PCNX2: variants seen among roughly 807,000 people sequenced by gnomAD.
PCNX2 encodes pecanex-like protein 2.
Under a neutral mutation model 223.8 loss-of-function variants are expected in PCNX2, and 168 were observed. The observed-to-expected ratio is 0.75, with a 90% CI of 0.66 to 0.85. PCNX2 has a LOEUF of 0.85. Ranked by LOEUF, PCNX2 falls within the 40% of genes least tolerant of loss-of-function variation. The pLI, the probability that PCNX2 is intolerant of heterozygous loss-of-function variation, is 0.00. For missense variants in PCNX2, 2,507 were observed against 2,675.5 expected (o/e 0.94, Z 1.39); for synonymous variants, 1,006 against 1,052.6 (o/e 0.96, Z 0.86).
At chr1:233,013,318 T>C (rs1250518803) in intron 28 of PCNX2, among the ~76,000 whole-genome samples, 1 of 152,226 alleles carries the variant, frequency 6.6e-6, no homozygotes, top group Non-Finnish European at 1.5e-5. Flanking sequence ...TCTTGGTGAC[T>C]CCAGGCTACT....
intron 33 of PCNX2, 51 bp downstream of exon 33, chr1:232,986,041 G>A (rs1486220734): frequency 6.5e-7 from 1 of 1,540,640 alleles, no homozygotes; most frequent in South Asian, 1.2e-5. Flanking sequence ...CAGGCCAGGA[G>A]CCCGTGCCAC....
chr1:233,290,296 T>C (rs1474857622), intron 1 of PCNX2, among the ~76,000 whole-genome samples: 5 of 152,184 alleles, frequency 3.3e-5, no homozygotes, highest in Non-Finnish European at 5.9e-5. Flanking sequence ...AGGTGAAATA[T>C]GTAGGAAGAA....
rs185326422 is a variant in PCNX2, at chr1:233,000,267, C to A, written c.5328+38G>T. The A allele has an allele frequency of 6.3e-7, 1 of 1,585,642 alleles. No homozygotes were observed. Among genetic ancestry groups the A allele is most frequent in the South Asian group, 1.1e-5 (1 of 90,394 alleles). On this transcript the variant is annotated intron_variant, in intron 30 of 33. Transcript: ENST00000258229. This position sits in a 1 kb window ranked among gnomAD's most constrained non-coding sequence, Gnocchi z 4.6. ...CTATTTCTTCTCAGATAGAGAGACA[C>A]GAGCCAACAGGGGACCCAGAAAGTG...
At chr1:233,010,411 T>C (rs2102810969) in intron 28 of PCNX2, among the ~76,000 whole-genome samples, 1 of 152,342 alleles carries the variant, frequency 6.6e-6, no homozygotes, top group Non-Finnish European at 1.5e-5. Flanking sequence ...TCTATCCTCT[T>C]GGAAGCTTAC....
intron 13 of PCNX2, among the ~76,000 whole-genome samples, chr1:233,206,972 C>T (rs963230126): frequency 1.6e-4 from 24 of 151,168 alleles, no homozygotes; most frequent in African/African-American, 5.6e-4. Flanking sequence ...GATTGAATCA[C>T]TGTACTCCAG....
chr1:233,174,353 G>T (rs370030653), intron 17 of PCNX2, among the ~76,000 whole-genome samples: 2 of 146,624 alleles, frequency 1.4e-5, no homozygotes, highest in Non-Finnish European at 3.0e-5. Context: ...CCAGTGTAAG[G>T]CTGCAAAGAG....
At chr1:233,232,310 T>C (rs1441480369) in intron 9 of PCNX2, among the ~76,000 whole-genome samples, 4 of 152,204 alleles carry the variant, frequency 2.6e-5, no homozygotes, top group Non-Finnish European at 4.4e-5. Flanking sequence ...TATTACAAAA[T>C]AGGCTTTGTA....
chr1:233,283,618 G>T (rs989314298), intron 1 of PCNX2, among the ~76,000 whole-genome samples: 4 of 152,028 alleles, frequency 2.6e-5, no homozygotes, highest in African/African-American at 9.7e-5. Flanking sequence ...GATAGGAATA[G>T]ATTATACTCC....
Position 233,295,483 on chromosome 1 carries a change from G to A in PCNX2, c.-5C>T. On this transcript the variant is annotated 5_prime_UTR_variant, in exon 1 of 34. Coordinates refer to ENST00000258229, the MANE Select transcript of PCNX2 (RefSeq NM_014801.4). The surrounding 1 kb of genome is among the most constrained non-coding windows in gnomAD (Gnocchi z 4.1). The stretch of plus-strand genomic sequence containing the variant: ...CTGCAGCACCTGGGACACCATGCCG[G>A]CTGCGCCCCGGGGCTGGTGAGCGCC... The A allele has an allele frequency of 6.5e-7, 1 of 1,546,574 alleles. No individual in the cohort carries two copies. The highest frequency in any genetic ancestry group is 8.7e-7 in the Non-Finnish European group (1 of 1,145,122).
rs749808427 is a variant in PCNX2 at position 232,999,051 on chromosome 1, T to G, written c.5603+54A>C. Reference sequence around the variant, plus strand: ...AACCAGGAGTACAGAGCTCCCTGCATCCCCCACACCTTCCCCCAGCATCTG... The same window carrying G: ...AACCAGGAGTACAGAGCTCCCTGCAGCCCCCACACCTTCCCCCAGCATCTG... On this transcript the variant is annotated intron_variant, in intron 31 of 33. Coordinates refer to ENST00000258229, the MANE Select transcript of PCNX2 (RefSeq NM_014801.4). 6.0e-4 allele frequency: 917 copies of G among 1,527,952 alleles called. 4 individuals are homozygous for G. Among genetic ancestry groups the G allele is most frequent in the Non-Finnish European group, 4.8e-4 (551 of 1,136,224 alleles). 94.6% of individuals were successfully genotyped at this position (1,527,952 alleles called of 1,614,324 possible).
At chr1:233,106,632 T>C (rs1340387217) in intron 21 of PCNX2, among the ~76,000 whole-genome samples, 2 of 151,960 alleles carry the variant, frequency 1.3e-5, no homozygotes, top group African/African-American at 2.4e-5. Context: ...GATTACAGGC[T>C]TCCTCCCTCT....
intron 25 of PCNX2, among the ~76,000 whole-genome samples, chr1:233,030,092 G>T (rs767101541): frequency 6.6e-6 from 1 of 151,980 alleles, no homozygotes; most frequent in Non-Finnish European, 1.5e-5. Context: ...ACTTGATATT[G>T]TTTCACAAGA....
chr1:233,143,792 CA>C lies in PCNX2; in HGVS notation c.3518-3938del, dbSNP rs146986490. Among the ~76,000 whole-genome samples the C allele has an allele frequency of 6.7e-3, 1,019 of 152,242 alleles. 9 individuals are homozygous for C. Among genetic ancestry groups the C allele is most frequent in the South Asian group, 0.02 (96 of 4,818 alleles). ...TAAAAAATTATAATTATCTTTTATGCAGATAAACTGTTTCCTAAACCAGCCA... is the reference window on the plus strand; with the variant it reads ...TAAAAAATTATAATTATCTTTTATGCGATAAACTGTTTCCTAAACCAGCCA... On this transcript the variant is annotated intron_variant, in intron 19 of 33. Coordinates refer to ENST00000258229, the MANE Select transcript of PCNX2 (RefSeq NM_014801.4).
chr1:233,291,662 G>A, intron 1 of PCNX2: 1 of 970,346 alleles, frequency 1.0e-6, no homozygotes, highest in Non-Finnish European at 1.2e-6. Context: ...TTTGACATGA[G>A]GCTAGTGCTC....
At position 233,198,992 on chromosome 1, in the gene PCNX2, G is replaced by A. The variant is rs777329619; in HGVS notation, c.3013C>T (p.Arg1005Trp). ...AGCAGGGCGGCAGCCAAGACGCTCCGGGCCACACTGTAAACAGCCGAGGTT... is the reference window on the plus strand; with the variant it reads ...AGCAGGGCGGCAGCCAAGACGCTCCAGGCCACACTGTAAACAGCCGAGGTT... Reference protein sequence around the residue: ...GITSAVYSVARSVLAAALLHA... With the variant: ...GITSAVYSVAWSVLAAALLHA... The change falls in exon 15 of 34, where the codon CGG becomes TGG. Residue 1005 changes from arginine (R) to tryptophan (W), a missense_variant. Physicochemically the swap from Arg to Trp is moderately radical, Grantham distance 101. Around this residue, in one of 3 missense-constraint regions of PCNX2, gnomAD observed 1,372 missense variants for 1,509.4 expected, o/e 0.91. Coordinates refer to ENST00000258229, the MANE Select transcript of PCNX2 (RefSeq NM_014801.4). 54 of 1,605,196 alleles carry A rather than the reference G, an allele frequency of 3.4e-5. No homozygotes were observed. The highest frequency in any genetic ancestry group is 6.7e-5 in the East Asian group (3 of 44,526).
chr1:233,089,884 C>A, intron 23 of PCNX2, 177 bp downstream of exon 23: 1 of 1,390,912 alleles, frequency 7.2e-7, no homozygotes, highest in Non-Finnish European at 9.3e-7. Flanking sequence ...TTTCCAGATC[C>A]CTGAGACCCA....
intron 23 of PCNX2, chr1:233,057,529 C>T (rs1040590904): frequency 6.4e-5 from 29 of 453,578 alleles, no homozygotes; most frequent in African/African-American, 4.6e-4. Flanking sequence ...TTGGAGAGAA[C>T]GGTCTTGTGT....
intron 26 of PCNX2, chr1:233,018,877 A>C: frequency 2.0e-6 from 2 of 985,436 alleles, no homozygotes; most frequent in Non-Finnish European, 2.4e-6. Context: ...TGTTTATAAA[A>C]ACATATTCTT....
intron 1 of PCNX2, among the ~76,000 whole-genome samples, chr1:233,264,008 T>C (rs1168920660): frequency 6.6e-6 from 1 of 152,124 alleles, no homozygotes; most frequent in Non-Finnish European, 1.5e-5. Context: ...CACAAAAGGG[T>C]ACTACTTCCA....
Sources: gnomAD v4.1 joint callset for allele counts (sites outside exome capture counted in the v4.1 genomes callset) on GRCh38, gnomAD v4.1.1 for gene constraint, gnomAD v4.1.1 regional missense constraint, Gnocchi (gnomAD v3.1) non-coding constraint, MANE v1.5 for transcripts, NCBI Gene and HGNC (gene_info 2026-07-23, HGNC 2026-07-21) for gene names.